ANO6: variants seen among roughly 807,000 people sequenced by gnomAD.
The protein encoded by ANO6 is anoctamin 6, also known as anoctamin-6.
A neutral mutation model predicts 117.5 loss-of-function variants in ANO6; 106 were observed. That is an observed-to-expected ratio of 0.90 (90% CI 0.77 to 1.06). The LOEUF (loss-of-function observed/expected upper bound fraction) is 1.06, where lower values mean the gene tolerates loss of function less well. ANO6 is among the 50% of genes least tolerant of loss of function. The pLI is 0.00. For missense variants in ANO6, 955 were observed against 1,121.1 expected (o/e 0.85, Z 2.12); for synonymous variants, 367 against 385.1 (o/e 0.95, Z 0.55).
At chr12:45,237,406 T>C (rs1243084376) in intron 1 of ANO6, among the ~76,000 whole-genome samples, 2 of 152,196 alleles carry the variant, frequency 1.3e-5, no homozygotes, top group African/African-American at 2.4e-5. Context: ...TTGTATAAGG[T>C]GTAAGGAAGG....
chr12:45,330,294 G>A (rs10880775), intron 2 of ANO6, among the ~76,000 whole-genome samples: 14,275 of 152,168 alleles, frequency 0.094, 997 homozygotes, highest in East Asian at 0.32. Flanking sequence ...AGAAAGTGGT[G>A]TGTGGTAAAA....
At chr12:45,381,939 G>T (rs1942179176) in intron 10 of ANO6, among the ~76,000 whole-genome samples, 1 of 151,714 alleles carries the variant, frequency 6.6e-6, no homozygotes, top group African/African-American at 2.4e-5. Flanking sequence ...TACTAGATAG[G>T]TACTGAGTAA....
chr12:45,253,767 C>CA (rs913485379), intron 1 of ANO6, among the ~76,000 whole-genome samples: 35 of 152,188 alleles, frequency 2.3e-4, no homozygotes, highest in African/African-American at 8.0e-4. Flanking sequence ...TTGCTGATGT[C>CA]ATGATTGTGT....
intron 10 of ANO6, among the ~76,000 whole-genome samples, chr12:45,383,933 G>A (rs892036905): frequency 1.3e-5 from 2 of 152,202 alleles, no homozygotes; most frequent in Non-Finnish European, 2.9e-5. Flanking sequence ...GAAGCCAGGC[G>A]TTGACTTCTC....
chr12:45,385,846 G>A (rs1942284694), intron 10 of ANO6, among the ~76,000 whole-genome samples: 1 of 152,174 alleles, frequency 6.6e-6, no homozygotes, highest in African/African-American at 2.4e-5. Flanking sequence ...AAAAGTAGTA[G>A]TCAAAACAAA....
intron 15 of ANO6, among the ~76,000 whole-genome samples, chr12:45,407,480 T>TCCC (rs1942967284): frequency 2.1e-4 from 2 of 9,712 alleles, no homozygotes; most frequent in African/African-American, 5.3e-4. Context: ...GCTACCTGAG[T>TCCC]CACCCCCCCC....
At chr12:45,286,428 A>G (rs1293677546) in intron 1 of ANO6, among the ~76,000 whole-genome samples, 1 of 152,262 alleles carries the variant, frequency 6.6e-6, no homozygotes, top group African/African-American at 2.4e-5. Flanking sequence ...GACTTAAAAA[A>G]TATCCATACA....
At chr12:45,388,400 T>A (rs1415043885) in intron 11 of ANO6, 97 bp downstream of exon 11, 1 of 1,465,432 alleles carries the variant, frequency 6.8e-7, no homozygotes, top group Non-Finnish European at 9.5e-7. Context: ...GCTTAAAAAA[T>A]ATTGATACCT....
intron 1 of ANO6, 48 bp from the exon 2 acceptor site, chr12:45,301,966 C>T (rs1470494985): frequency 1.3e-6 from 2 of 1,496,712 alleles, no homozygotes; most frequent in East Asian, 4.5e-5. Flanking sequence ...ACTACGTGAG[C>T]CAGTGCAGGT....
At chr12:45,306,245 G>A (rs538416710) in intron 2 of ANO6, among the ~76,000 whole-genome samples, 1 of 152,290 alleles carries the variant, frequency 6.6e-6, no homozygotes, top group Admixed American at 6.5e-5. Context: ...CTTTTGAGAA[G>A]CTGGAAGATT....
At chr12:45,399,075 C>T (rs1435157495) in intron 12 of ANO6, among the ~76,000 whole-genome samples, 1 of 152,224 alleles carries the variant, frequency 6.6e-6, no homozygotes, top group Non-Finnish European at 1.5e-5. Context: ...TTGTTCCTTT[C>T]ATCCTGTGTC....
intron 3 of ANO6, among the ~76,000 whole-genome samples, chr12:45,346,232 C>A (rs189729928): frequency 2.8e-4 from 42 of 152,272 alleles, no homozygotes; most frequent in African/African-American, 8.7e-4. Flanking sequence ...TCATTTTCTT[C>A]ATTTCACAAA....
chr12:45,348,440 G>A (rs1399958781), intron 5 of ANO6, 78 bp from the exon 6 acceptor site: 1 of 1,541,336 alleles, frequency 6.5e-7, no homozygotes, highest in Non-Finnish European at 9.0e-7. Flanking sequence ...CAGCAGATTT[G>A]TGTTACAGTA....
intron 2 of ANO6, among the ~76,000 whole-genome samples, chr12:45,320,678 A>T (rs1413947129): frequency 1.3e-5 from 2 of 151,828 alleles, no homozygotes; most frequent in Non-Finnish European, 2.9e-5. Context: ...TATCCTTGTT[A>T]ATTTCTGTCT....
At chr12:45,296,127 A>G (rs939032442) in intron 1 of ANO6, among the ~76,000 whole-genome samples, 3 of 152,150 alleles carry the variant, frequency 2.0e-5, no homozygotes, top group African/African-American at 7.2e-5. Flanking sequence ...CTTTTAAAAT[A>G]ATGACTGGTG....
chr12:45,434,461 T>C (rs980808593), downstream of ANO6, among the ~76,000 whole-genome samples: 2 of 152,182 alleles, frequency 1.3e-5, no homozygotes, highest in Non-Finnish European at 2.9e-5. Context: ...TTAAATCAAA[T>C]CAAATTTTAC....
At chr12:45,239,678 G>T (rs1198858478) in intron 1 of ANO6, among the ~76,000 whole-genome samples, 3 of 152,058 alleles carry the variant, frequency 2.0e-5, no homozygotes, top group Non-Finnish European at 4.4e-5. Context: ...TCTCTTGTGG[G>T]CATTTAGTGC....
intron 1 of ANO6, among the ~76,000 whole-genome samples, chr12:45,277,254 A>G (rs1271906983): frequency 6.6e-6 from 1 of 152,220 alleles, no homozygotes; most frequent in Non-Finnish European, 1.5e-5. Flanking sequence ...GATGAGCTAT[A>G]TAATATAGTT....
intron 1 of ANO6, among the ~76,000 whole-genome samples, chr12:45,250,191 T>C (rs1947881390): frequency 6.6e-6 from 1 of 152,210 alleles, no homozygotes; most frequent in South Asian, 2.1e-4. Flanking sequence ...GGCGTTTACC[T>C]GAAGATGTTT....
Sources: gnomAD v4.1 joint callset for allele counts (sites outside exome capture counted in the v4.1 genomes callset) on GRCh38, gnomAD v4.1.1 for gene constraint, MANE v1.5 for transcripts, NCBI Gene and HGNC (gene_info 2026-07-23, HGNC 2026-07-21) for gene names.